Variants in RAD51B observed in about 807,000 individuals in gnomAD.
The protein encoded by RAD51B is RAD51 paralog B.
Under a neutral mutation model 42.2 loss-of-function variants are expected in RAD51B, and 38 were observed. The ratio of observed to expected loss-of-function variants is 0.90; its 90% CI spans 0.70 to 1.18. RAD51B has a LOEUF of 1.18. Ranked by LOEUF, RAD51B falls within the 50% of genes most tolerant of loss-of-function variation. The pLI is 0.00. For missense variants in RAD51B, 373 were observed against 400.7 expected (o/e 0.93, Z 0.59); for synonymous variants, 154 against 145.2 (o/e 1.06, Z -0.43).
chr14:68,652,317 G>A (rs1165234724), intron 11 of RAD51B, among the ~76,000 whole-genome samples: 4 of 152,050 alleles, frequency 2.6e-5, no homozygotes, highest in Non-Finnish European at 4.4e-5. Flanking sequence ...CTCCTTGCTC[G>A]CCCTTGTTTT....
At chr14:68,021,392 G>T (rs1419035300) in intron 7 of RAD51B, among the ~76,000 whole-genome samples, 1 of 152,116 alleles carries the variant, frequency 6.6e-6, no homozygotes, top group African/African-American at 2.4e-5. Flanking sequence ...TGGCTCTCCC[G>T]TGAGATGGTG....
At chr14:68,133,485 T>C (rs1425723862) in intron 7 of RAD51B, among the ~76,000 whole-genome samples, 1 of 152,180 alleles carries the variant, frequency 6.6e-6, no homozygotes, top group African/African-American at 2.4e-5. Flanking sequence ...TTTTTTTTTC[T>C]TTTTGAGACG....
At chr14:68,445,330 T>G (rs1267796834) in intron 9 of RAD51B, among the ~76,000 whole-genome samples, 1 of 152,158 alleles carries the variant, frequency 6.6e-6, no homozygotes. Context: ...TGATTCTGTA[T>G]AAGATTACTA....
intron 7 of RAD51B, among the ~76,000 whole-genome samples, chr14:68,079,331 G>A (rs993262075): frequency 1.3e-5 from 2 of 152,098 alleles, no homozygotes; most frequent in African/African-American, 4.8e-5. Context: ...GGCAAATCAT[G>A]TTTTAATTGT....
chr14:68,230,421 G>A (rs1371375938), intron 7 of RAD51B, among the ~76,000 whole-genome samples: 1 of 152,138 alleles, frequency 6.6e-6, no homozygotes, highest in African/African-American at 2.4e-5. Flanking sequence ...CATCTTTATT[G>A]TTTGACTAGT....
At chr14:67,836,430 G>A (rs115796399) in intron 4 of RAD51B, among the ~76,000 whole-genome samples, 4,208 of 151,798 alleles carry the variant, frequency 0.028, 185 homozygotes, top group African/African-American at 0.095. Flanking sequence ...GCCACTTTTC[G>A]TCATTAGAAG....
chr14:68,013,926 A>G (rs2075730718), intron 7 of RAD51B, among the ~76,000 whole-genome samples: 1 of 152,310 alleles, frequency 6.6e-6, no homozygotes, highest in African/African-American at 2.4e-5. Context: ...AGTACATGTT[A>G]TCAAATATTT....
At chr14:68,604,189 G>A (rs1262612964) in intron 10 of RAD51B, among the ~76,000 whole-genome samples, 1 of 152,200 alleles carries the variant, frequency 6.6e-6, no homozygotes, top group Non-Finnish European at 1.5e-5. Context: ...ACGCGAGAGT[G>A]GCTGGAGAAG....
At chr14:67,841,637 G>T (rs930746910) in intron 4 of RAD51B, among the ~76,000 whole-genome samples, 10 of 152,118 alleles carry the variant, frequency 6.6e-5, no homozygotes, top group Non-Finnish European at 1.5e-4. Flanking sequence ...TCTGCATATG[G>T]CTAGCTGGTA....
At position 67,846,977 on chromosome 14, in the gene RAD51B, T is replaced by C. The variant is rs574817763; in HGVS notation, c.315+11781T>C. Among the ~76,000 whole-genome samples the C allele has an allele frequency of 2.0e-5, 3 of 152,322 alleles. No individual in the cohort carries two copies. In the South Asian group the frequency reaches 6.2e-4, roughly 32 times the overall value. On this transcript the variant is annotated intron_variant, in intron 4 of 10. Coordinates refer to ENST00000471583, the MANE Select transcript of RAD51B (RefSeq NM_133510.4). ...GTCCACACCCTGGGGTCGTGGGGTC[T>C]CCTGCTGCTAGGATTTCAGAGGTCT...
chr14:68,426,523 A>C (rs1023247688), intron 9 of RAD51B, among the ~76,000 whole-genome samples: 1 of 152,242 alleles, frequency 6.6e-6, no homozygotes, highest in African/African-American at 2.4e-5. Context: ...AGAATTTAAG[A>C]GCAATGAACT....
At chr14:68,440,049 C>T (rs2331703) in intron 9 of RAD51B, among the ~76,000 whole-genome samples, 129,546 of 152,258 alleles carry the variant, frequency 0.85, 55,397 homozygotes, top group East Asian at 0.97. Context: ...GTTAGTGATG[C>T]ATTTGGATTC....
chr14:68,487,465 T>C (rs1883717979), intron 10 of RAD51B, among the ~76,000 whole-genome samples: 1 of 152,160 alleles, frequency 6.6e-6, no homozygotes, highest in Non-Finnish European at 1.5e-5. Flanking sequence ...TTACATCCTT[T>C]TGTTTTATTT....
intron 10 of RAD51B, among the ~76,000 whole-genome samples, chr14:68,609,439 C>A (rs1353375162): frequency 2.0e-5 from 3 of 152,146 alleles, no homozygotes; most frequent in African/African-American, 7.2e-5. Context: ...TCTCCTCTCA[C>A]CCCCCTCAGA....
chr14:68,067,182 G>A (rs771566877), intron 7 of RAD51B, among the ~76,000 whole-genome samples: 5 of 152,056 alleles, frequency 3.3e-5, no homozygotes, highest in Non-Finnish European at 7.4e-5. Flanking sequence ...TAATGTTTTG[G>A]CTGGTCATGG....
At chr14:68,259,737 C>T (rs528786191) in intron 7 of RAD51B, among the ~76,000 whole-genome samples, 123 of 152,280 alleles carry the variant, frequency 8.1e-4, no homozygotes, top group African/African-American at 2.9e-3. Context: ...CTTTATTTCC[C>T]TCCCTAGCCC....
chr14:68,149,219 CA>C (rs1324539017), intron 7 of RAD51B, among the ~76,000 whole-genome samples: 1 of 152,108 alleles, frequency 6.6e-6, no homozygotes, highest in Non-Finnish European at 1.5e-5. Flanking sequence ...TGAAGCCTAA[CA>C]TCAATTTTTT....
chr14:68,564,804 T>C (rs1889341429), intron 10 of RAD51B, among the ~76,000 whole-genome samples: 1 of 152,110 alleles, frequency 6.6e-6, no homozygotes, highest in Non-Finnish European at 1.5e-5. Context: ...CATCTCCCAC[T>C]GAAAGAGCCG....
chr14:68,143,177 T>C (rs953559652), intron 7 of RAD51B, among the ~76,000 whole-genome samples: 12 of 152,196 alleles, frequency 7.9e-5, no homozygotes, highest in African/African-American at 2.9e-4. Flanking sequence ...GTCACCTTAC[T>C]TCTCTTAGCT....
Sources: allele counts gnomAD v4.1 joint callset (sites outside exome capture counted in the v4.1 genomes callset), GRCh38; gene constraint gnomAD v4.1.1; transcripts MANE v1.5; gene names NCBI Gene and HGNC (gene_info 2026-07-23, HGNC 2026-07-21).